The following ANKFN1 variants were observed in gnomAD, a reference collection of about 807,000 sequenced individuals.
ANKFN1 encodes ankyrin repeat and fibronectin type III domain containing 1.
ANKFN1 carries 74 observed loss-of-function variants against 108.7 expected under a neutral mutation model. That is an observed-to-expected ratio of 0.68 (90% CI 0.56 to 0.83). The LOEUF (loss-of-function observed/expected upper bound fraction) is 0.83. Among genes scored for constraint, ANKFN1 ranks in the 40% least tolerant of loss-of-function variants. ANKFN1 has a pLI of 0.00. For synonymous variants in ANKFN1, 547 were observed against 516.2 expected (o/e 1.06, Z -0.81); for missense variants, 1,505 against 1,382.3 (o/e 1.09, Z -1.41).
rs952732105 is a variant in ANKFN1, at chr17:56,061,457, G to C, written c.288+15132G>C. ...CAGCTAATTTTTTGTATTTTTAGTA[G>C]AGACAGTGTTTCTCCATGTTGGGCA... is the stretch of plus-strand genomic sequence containing the variant. On this transcript the variant is annotated intron_variant, in intron 4 of 12. Coordinates refer to the ANKFN1 transcript ENST00000635860. Among the ~76,000 whole-genome samples the C allele has an allele frequency of 4.6e-5, 7 of 151,722 alleles. No homozygotes were observed. The East Asian group carries it at 5.8e-4, about 13-fold the overall frequency.
intron 4 of ANKFN1, among the ~76,000 whole-genome samples, chr17:56,103,188 T>C (rs1323688705): frequency 6.6e-6 from 1 of 152,132 alleles, no homozygotes; most frequent in African/African-American, 2.4e-5. Flanking sequence ...ATTCAGGTAA[T>C]GAGCGACATG....
chr17:56,268,206 A>T (rs192766511), intron 3 of ANKFN1, among the ~76,000 whole-genome samples: 47 of 152,282 alleles, frequency 3.1e-4, no homozygotes, highest in African/African-American at 9.6e-4. Context: ...ACAAATTTTT[A>T]AAAAAACTAA....
chr17:56,222,416 C>T (rs1915953048), intron 2 of ANKFN1, among the ~76,000 whole-genome samples: 1 of 152,056 alleles, frequency 6.6e-6, no homozygotes, highest in Non-Finnish European at 1.5e-5. Flanking sequence ...AGACAAGTAA[C>T]AGTGAGGAGA....
At position 56,264,828 on chromosome 17, in the gene ANKFN1, A is replaced by G. The variant is rs555376545; in HGVS notation, c.53+36871A>G. ...AATTCCTTTCCATGATTCGTAGTCC[A>G]TCTTATTTGGGACCCAGGAAACTTA... On this transcript the variant is annotated intron_variant, in intron 3 of 20. Coordinates refer to ENST00000682825, the MANE Select transcript of ANKFN1 (RefSeq NM_001370326.1). Among the ~76,000 whole-genome samples, 5 of 152,228 alleles carry G rather than the reference A, an allele frequency of 3.3e-5. No homozygotes were observed. In the South Asian group the frequency reaches 1.0e-3, roughly 32 times the overall value.
At chr17:56,449,870 C>T (rs560985238) in intron 11 of ANKFN1, among the ~76,000 whole-genome samples, 7 of 152,200 alleles carry the variant, frequency 4.6e-5, no homozygotes, top group Admixed American at 1.3e-4. Flanking sequence ...TGTACCACTG[C>T]TCACAGGAAA....
intron 1 of ANKFN1, among the ~76,000 whole-genome samples, chr17:56,162,876 A>G (rs560377429): frequency 6.6e-6 from 1 of 152,038 alleles, no homozygotes; most frequent in African/African-American, 2.4e-5. Flanking sequence ...TCTCTACTAA[A>G]GTACACAAAT....
rs1212431232 is a variant in ANKFN1 at position 56,511,370 on chromosome 17, C to A, written c.*101C>A. 10 of 1,217,814 alleles carry A rather than the reference C, an allele frequency of 8.2e-6. No homozygotes were observed. The Admixed American group carries it at 2.3e-4, about 28-fold the overall frequency. The allele number at this position is 1,217,814 out of a possible 1,614,324, so 75.4% of individuals were successfully genotyped here. A position where few individuals can be genotyped will look rare whatever the true frequency, so the allele number is the denominator to read the frequency against. ...CACTGTGTACCCACTCATTTTCAAG[C>A]GTTTTGAATGTTATAAATACAAAGG... On this transcript the variant is annotated 3_prime_UTR_variant, in exon 21 of 21. Transcript: ENST00000682825.
At chr17:56,456,836 C>A in intron 11 of ANKFN1, 25 bp from the exon 12 acceptor site, 2 of 1,588,172 alleles carry the variant, frequency 1.3e-6, no homozygotes, top group Non-Finnish European at 1.7e-6. Context: ...GGAATTTATA[C>A]TGTATTTTTT....
intron 8 of ANKFN1, among the ~76,000 whole-genome samples, chr17:56,378,936 T>C (rs2047014926): frequency 6.6e-6 from 1 of 152,202 alleles, no homozygotes; most frequent in Admixed American, 6.5e-5. Context: ...GTTGCTGAGT[T>C]GTCAGGATCC....
At chr17:56,143,455 C>G (rs151060240) in intron 4 of ANKFN1, among the ~76,000 whole-genome samples, 1 of 152,322 alleles carries the variant, frequency 6.6e-6, no homozygotes, top group East Asian at 1.9e-4. Context: ...CCTTTCCTGA[C>G]TCTCACTCAG....
chr17:56,392,756 A>G (rs2047477196), intron 8 of ANKFN1, among the ~76,000 whole-genome samples: 1 of 152,188 alleles, frequency 6.6e-6, no homozygotes, highest in Non-Finnish European at 1.5e-5. Context: ...GGCTTTCTCA[A>G]TCTCAGGACC....
At chr17:56,066,205 A>G (rs998722812) in intron 4 of ANKFN1, among the ~76,000 whole-genome samples, 1 of 152,382 alleles carries the variant, frequency 6.6e-6, no homozygotes, top group East Asian at 1.9e-4. Flanking sequence ...CATTCCTGGT[A>G]GTGCTCAAAG....
intron 18 of ANKFN1, among the ~76,000 whole-genome samples, chr17:56,484,487 T>A (rs931596613): frequency 1.3e-5 from 2 of 152,200 alleles, no homozygotes; most frequent in African/African-American, 4.8e-5. Context: ...TCAATGACTA[T>A]GAGGCTATTG....
At chr17:56,372,902 G>A (rs1019553175) in intron 7 of ANKFN1, 62 bp downstream of exon 7, 1 of 1,522,108 alleles carries the variant, frequency 6.6e-7, no homozygotes, top group South Asian at 1.3e-5. Flanking sequence ...AGACAGCCAG[G>A]TCTTCTTTTA....
At chr17:56,278,534 C>A (rs1352157151) in intron 3 of ANKFN1, among the ~76,000 whole-genome samples, 1 of 152,202 alleles carries the variant, frequency 6.6e-6, no homozygotes, top group African/African-American at 2.4e-5. Context: ...CCAGTCCAAG[C>A]AGGACAGCTT....
intron 6 of ANKFN1, among the ~76,000 whole-genome samples, chr17:56,367,392 C>T (rs1035618373): frequency 3.3e-5 from 5 of 151,706 alleles, no homozygotes; most frequent in East Asian, 1.9e-4. Context: ...TTGTTTATCT[C>T]GGGATTTAAA....
chr17:56,153,290 T>A (rs542318338), upstream of ANKFN1, among the ~76,000 whole-genome samples: 10 of 152,330 alleles, frequency 6.6e-5, no homozygotes, highest in Admixed American at 5.9e-4. Flanking sequence ...ACGATTTCTT[T>A]GTCACCAAGC....
intron 1 of ANKFN1, among the ~76,000 whole-genome samples, chr17:56,193,111 A>T (rs1468724179): frequency 1.6e-4 from 15 of 92,896 alleles, no homozygotes; most frequent in Non-Finnish European, 1.9e-5. Context: ...AGGGACATGG[A>T]TGAAATTGGA....
At chr17:56,238,457 G>A (rs1414309212) in intron 3 of ANKFN1, among the ~76,000 whole-genome samples, 1 of 152,214 alleles carries the variant, frequency 6.6e-6, no homozygotes, top group East Asian at 1.9e-4. Flanking sequence ...TACGAATCAA[G>A]GTGCTCCTGT....
Sources: allele counts gnomAD v4.1 joint callset (sites outside exome capture counted in the v4.1 genomes callset), GRCh38; gene constraint gnomAD v4.1.1; transcripts MANE v1.5; gene names NCBI Gene and HGNC (gene_info 2026-07-23, HGNC 2026-07-21).